Variants in IMMP1L observed in about 807,000 individuals in gnomAD.
IMMP1L encodes the protein inner mitochondrial membrane peptidase subunit 1.
In IMMP1L, 24 loss-of-function variants were observed where a neutral mutation model predicts 21.8. The ratio of observed to expected loss-of-function variants is 1.10; its 90% CI spans 0.80 to 1.55. The LOEUF is 1.55. Among genes scored for constraint, IMMP1L ranks in the 40% most tolerant of loss-of-function variants. The pLI, the probability that IMMP1L is intolerant of heterozygous loss-of-function variation, is 0.00. For synonymous variants in IMMP1L, 46 were observed against 62.8 expected (o/e 0.73, Z 1.26); for missense variants, 195 against 200.7 (o/e 0.97, Z 0.17).
At chr11:31,433,651 G>T in intron 4 of IMMP1L, 81 bp from the exon 5 acceptor site, 1 of 801,482 alleles carries the variant, frequency 1.2e-6, no homozygotes, top group Non-Finnish European at 2.0e-6. Flanking sequence ...TCATTCAGAG[G>T]TAGGGAGAAA....
intron 1 of IMMP1L, among the ~76,000 whole-genome samples, chr11:31,495,074 G>A (rs564955629): frequency 3.3e-5 from 5 of 152,314 alleles, no homozygotes; most frequent in Admixed American, 3.3e-4. Context: ...GTGGCAAAAT[G>A]CCACCAGTCT....
chr11:31,495,242 A>C (rs529891561), intron 1 of IMMP1L, among the ~76,000 whole-genome samples: 1 of 152,174 alleles, frequency 6.6e-6, no homozygotes. Context: ...AAACTTTCCC[A>C]CATCTTCGTG....
intron 1 of IMMP1L, among the ~76,000 whole-genome samples, chr11:31,486,771 T>G (rs951569191): frequency 1.3e-5 from 2 of 151,784 alleles, no homozygotes; most frequent in African/African-American, 4.8e-5. Context: ...TACACATAAC[T>G]ACATGGATAA....
At chr11:31,440,360 A>T (rs1953280058) in intron 4 of IMMP1L, among the ~76,000 whole-genome samples, 1 of 152,184 alleles carries the variant, frequency 6.6e-6, no homozygotes, top group Admixed American at 6.5e-5. Flanking sequence ...CATCACTGCC[A>T]GAAGCAGATG....
chr11:31,470,495 T>C (rs997485156), intron 1 of IMMP1L, among the ~76,000 whole-genome samples: 2 of 149,122 alleles, frequency 1.3e-5, no homozygotes, highest in African/African-American at 2.5e-5. Flanking sequence ...AGTACATACA[T>C]ACATATTTGG....
At chr11:31,454,596 C>T (rs1451214805) in intron 4 of IMMP1L, among the ~76,000 whole-genome samples, 2 of 151,764 alleles carry the variant, frequency 1.3e-5, no homozygotes, top group East Asian at 3.9e-4. Context: ...AAACATCACA[C>T]TATACCCCAT....
intron 4 of IMMP1L, among the ~76,000 whole-genome samples, chr11:31,441,067 A>C (rs1467736873): frequency 6.6e-6 from 1 of 152,210 alleles, no homozygotes; most frequent in Non-Finnish European, 1.5e-5. Flanking sequence ...AATAAGTTGC[A>C]GGGCAATGTG....
At chr11:31,467,191 T>C (rs1954385532) in intron 1 of IMMP1L, among the ~76,000 whole-genome samples, 1 of 152,108 alleles carries the variant, frequency 6.6e-6, no homozygotes. Context: ...AAGTAACAAA[T>C]ATGGAAAGGG....
chr11:31,475,190 A>G (rs756897656), intron 1 of IMMP1L, among the ~76,000 whole-genome samples: 18 of 152,326 alleles, frequency 1.2e-4, no homozygotes, highest in Non-Finnish European at 2.5e-4. Context: ...CATATAACCA[A>G]AATTGAAACT....
intron 1 of IMMP1L, among the ~76,000 whole-genome samples, chr11:31,498,589 T>C (rs2133817331): frequency 6.6e-6 from 1 of 152,318 alleles, no homozygotes; most frequent in East Asian, 1.9e-4. Context: ...TGCTTCATGT[T>C]TTATGCTAAT....
At chr11:31,454,206 A>T (rs1002775113) in intron 4 of IMMP1L, among the ~76,000 whole-genome samples, 3 of 152,170 alleles carry the variant, frequency 2.0e-5, no homozygotes, top group Admixed American at 2.0e-4. Context: ...ACAAAATGGC[A>T]ATGTCATATA....
At chr11:31,496,634 T>C (rs548725781) in intron 1 of IMMP1L, among the ~76,000 whole-genome samples, 1 of 151,550 alleles carries the variant, frequency 6.6e-6, no homozygotes, top group Admixed American at 6.6e-5. Context: ...TGTGTGTGTG[T>C]GTATATTATA....
At chr11:31,500,491 G>C (rs903341931) in intron 1 of IMMP1L, among the ~76,000 whole-genome samples, 1 of 151,832 alleles carries the variant, frequency 6.6e-6, no homozygotes, top group South Asian at 2.1e-4. Flanking sequence ...AAATAGAAAA[G>C]GTGGAGAAAA....
At chr11:31,436,798 G>A (rs1186129184) in intron 4 of IMMP1L, among the ~76,000 whole-genome samples, 3 of 152,082 alleles carry the variant, frequency 2.0e-5, no homozygotes, top group Admixed American at 2.0e-4. Context: ...TAGAACATAT[G>A]ACCAGGAGCC....
At chr11:31,437,413 G>A (rs182967988) in intron 4 of IMMP1L, among the ~76,000 whole-genome samples, 5 of 152,178 alleles carry the variant, frequency 3.3e-5, no homozygotes, top group African/African-American at 9.6e-5. Context: ...CATCACACAG[G>A]CACTCAAAAA....
In IMMP1L at chr11:31,439,512, T is replaced by C. The variant is rs150601916; in HGVS notation, c.322-5942A>G. On this transcript the variant is annotated intron_variant, in intron 4 of 5. Coordinates refer to ENST00000532287, the MANE Select transcript of IMMP1L (RefSeq NM_001304274.2). Reference sequence around the variant, plus strand: ...GTGTTTTAGAGTGCTTCTCTGCTAATTCCATAATTTCTGTCATTTCTGGGT... The same window carrying C: ...GTGTTTTAGAGTGCTTCTCTGCTAACTCCATAATTTCTGTCATTTCTGGGT... Among the ~76,000 whole-genome samples, 328 of 152,318 alleles carry C rather than the reference T, an allele frequency of 2.2e-3. 4 individuals carry two copies. Among genetic ancestry groups the C allele is most frequent in the African/African-American group, 7.5e-3 (311 of 41,576 alleles).
At chr11:31,497,682 G>C (rs568342443) in intron 1 of IMMP1L, among the ~76,000 whole-genome samples, 118 of 152,180 alleles carry the variant, frequency 7.8e-4, no homozygotes, top group African/African-American at 2.8e-3. Flanking sequence ...GTATGGTCTC[G>C]ATCTCTTGAC....
At chr11:31,457,268 T>C (rs1050290536) in intron 3 of IMMP1L, among the ~76,000 whole-genome samples, 1 of 152,116 alleles carries the variant, frequency 6.6e-6, no homozygotes, top group East Asian at 1.9e-4. Context: ...TCTGATTACA[T>C]ACAGAAGTCA....
rs1338797015 is a variant in IMMP1L at position 31,473,717 on chromosome 11, G to A, written c.-29-10412C>T. On this transcript the variant is annotated intron_variant, in intron 1 of 5. Transcript: ENST00000532287. ...TAATTTGGATCCAATGACTGAAGTA[G>A]ACTTACAGTAATTTCAGAATACCCA... The A allele has an allele frequency of 5.1e-6, 5 of 977,976 alleles. No individual in the cohort carries two copies. The African/African-American group carries it at 8.8e-5, about 17-fold the overall frequency. 60.6% of individuals were successfully genotyped at this position (977,976 alleles called of 1,614,324 possible). A position where few individuals can be genotyped will look rare whatever the true frequency, so the allele number is the denominator to read the frequency against.
Sources: allele counts gnomAD v4.1 joint callset (sites outside exome capture counted in the v4.1 genomes callset), GRCh38; gene constraint gnomAD v4.1.1; transcripts MANE v1.5; gene names NCBI Gene and HGNC (gene_info 2026-07-23, HGNC 2026-07-21).